The following SPOCK1 variants were observed in gnomAD, a reference collection of about 807,000 sequenced individuals.
The protein encoded by SPOCK1 is testican-1.
A neutral mutation model predicts 55.3 loss-of-function variants in SPOCK1; 23 were observed. The observed-to-expected ratio is 0.42, with a 90% CI of 0.30 to 0.59. SPOCK1 has a LOEUF of 0.59. Ranked by LOEUF, SPOCK1 falls within the 20% of genes least tolerant of loss-of-function variation. SPOCK1 has a pLI of 0.22. For missense variants in SPOCK1, 499 were observed against 552.5 expected (o/e 0.90, Z 0.97); for synonymous variants, 226 against 221.0 (o/e 1.02, Z -0.20).
At chr5:137,065,596 T>A (rs556544479) in intron 6 of SPOCK1, among the ~76,000 whole-genome samples, 242 of 152,346 alleles carry the variant, frequency 1.6e-3, no homozygotes, top group African/African-American at 5.7e-3. Context: ...AATAATTATA[T>A]TGGACTAAAG....
chr5:137,006,169 G>A (rs1751242355), intron 6 of SPOCK1, among the ~76,000 whole-genome samples: 1 of 152,168 alleles, frequency 6.6e-6, no homozygotes, highest in Non-Finnish European at 1.5e-5. Flanking sequence ...TTTTGCTTAG[G>A]ATTGTCTTGG....
rs2189596 is a variant in SPOCK1, at chr5:137,104,048, T to C, written c.474+8387A>G. Among the ~76,000 whole-genome samples, 693 of 152,316 alleles carry C rather than the reference T, an allele frequency of 4.5e-3. 3 individuals are homozygous for C. The highest frequency in any genetic ancestry group is 8.1e-3 in the Non-Finnish European group (554 of 68,032). On this transcript the variant is annotated intron_variant, in intron 5 of 10. Coordinates refer to ENST00000394945, the MANE Select transcript of SPOCK1 (RefSeq NM_004598.4). ...TTCTCCAAACACATACAACTTCATT[T>C]GTTGGCTTTTTCTAAGCAGCAGTGA...
At chr5:136,991,619 T>C (rs1211572560) in intron 7 of SPOCK1, among the ~76,000 whole-genome samples, 1 of 152,242 alleles carries the variant, frequency 6.6e-6, no homozygotes, top group Non-Finnish European at 1.5e-5. Flanking sequence ...TGTGTTTTTA[T>C]ATTTTGACCA....
chr5:137,342,018 G>A (rs1335717705), intron 2 of SPOCK1, among the ~76,000 whole-genome samples: 2 of 152,228 alleles, frequency 1.3e-5, no homozygotes, highest in African/African-American at 4.8e-5. Flanking sequence ...CGCCAGGGCT[G>A]CGGTGTGTGG....
chr5:137,093,105 T>C (rs1267664688), intron 5 of SPOCK1, among the ~76,000 whole-genome samples: 1 of 152,202 alleles, frequency 6.6e-6, no homozygotes. Context: ...TCCAGTCACC[T>C]CTTAAAGGCC....
chr5:137,204,428 G>C (rs1025017812), intron 3 of SPOCK1, among the ~76,000 whole-genome samples: 9 of 152,050 alleles, frequency 5.9e-5, no homozygotes, highest in African/African-American at 1.9e-4. Flanking sequence ...ATTGGAAAGA[G>C]GGAAACATAT....
chr5:137,041,738 C>T (rs1752002298), intron 6 of SPOCK1, among the ~76,000 whole-genome samples: 1 of 152,142 alleles, frequency 6.6e-6, no homozygotes, highest in Admixed American at 6.5e-5. Flanking sequence ...AATACAAATT[C>T]AAACAATAAT....
intron 2 of SPOCK1, among the ~76,000 whole-genome samples, chr5:137,305,655 C>A (rs1488232900): frequency 1.3e-5 from 2 of 152,200 alleles, no homozygotes. Context: ...TAATTATGAT[C>A]TCCGCTGTAA....
chr5:137,444,930 C>T (rs192480064), intron 2 of SPOCK1, among the ~76,000 whole-genome samples: 1 of 152,346 alleles, frequency 6.6e-6, no homozygotes, highest in East Asian at 1.9e-4. Flanking sequence ...CTCCCAGCTC[C>T]TAGTCCAAAT....
intron 6 of SPOCK1, among the ~76,000 whole-genome samples, chr5:137,022,574 A>G (rs17703026): frequency 0.11 from 16,481 of 152,172 alleles, 1,366 homozygotes; most frequent in East Asian, 0.23. Context: ...TATTACACTC[A>G]TGCAAGACGC....
chr5:137,030,992 A>G (rs1460645264), intron 6 of SPOCK1, among the ~76,000 whole-genome samples: 1 of 152,196 alleles, frequency 6.6e-6, no homozygotes, highest in Admixed American at 6.5e-5. Context: ...TTTTGTTTTA[A>G]AAAGCCATAG....
intron 2 of SPOCK1, among the ~76,000 whole-genome samples, chr5:137,463,258 C>T (rs2149837907): frequency 6.6e-6 from 1 of 152,262 alleles, no homozygotes; most frequent in East Asian, 1.9e-4. Context: ...TCACAATAGC[C>T]TAGATTTGGA....
chr5:137,407,238 G>A (rs1209725860), intron 2 of SPOCK1, among the ~76,000 whole-genome samples: 1 of 152,168 alleles, frequency 6.6e-6, no homozygotes, highest in African/African-American at 2.4e-5. Context: ...GAGGAGAATG[G>A]GCAATTTTAG....
At chr5:137,486,467 T>C (rs17171443) in intron 2 of SPOCK1, among the ~76,000 whole-genome samples, 55,907 of 152,096 alleles carry the variant, frequency 0.37, 10,396 homozygotes, top group East Asian at 0.46. Context: ...TTGTCGCAAA[T>C]AGAAAGCCTG....
chr5:136,990,708 T>C (rs949451759), intron 7 of SPOCK1, among the ~76,000 whole-genome samples: 1 of 152,212 alleles, frequency 6.6e-6, no homozygotes, highest in Non-Finnish European at 1.5e-5. Context: ...TATGCTTTTG[T>C]AAACAATATT....
intron 2 of SPOCK1, among the ~76,000 whole-genome samples, chr5:137,421,053 T>C (rs1341912931): frequency 6.6e-6 from 1 of 152,264 alleles, no homozygotes; most frequent in African/African-American, 2.4e-5. Context: ...TTTCGTTATG[T>C]ACCCAGTAGT....
intron 3 of SPOCK1, among the ~76,000 whole-genome samples, chr5:137,232,291 GT>G (rs559335815): frequency 6.6e-6 from 1 of 152,038 alleles, no homozygotes; most frequent in Non-Finnish European, 1.5e-5. Flanking sequence ...GATTTTTAAT[GT>G]TTTTTTCCTA....
intron 5 of SPOCK1, among the ~76,000 whole-genome samples, chr5:137,093,080 G>T (rs1753078487): frequency 6.6e-6 from 1 of 152,140 alleles, no homozygotes; most frequent in Non-Finnish European, 1.5e-5. Flanking sequence ...ATTCATTAGG[G>T]CAGAGTCTTG....
At chr5:137,081,798 T>C (rs1752881457) in intron 5 of SPOCK1, among the ~76,000 whole-genome samples, 1 of 152,234 alleles carries the variant, frequency 6.6e-6, no homozygotes, top group Non-Finnish European at 1.5e-5. Flanking sequence ...GAAAAAGCCA[T>C]ATAACTCAAA....
Sources: gnomAD v4.1 joint callset for allele counts (sites outside exome capture counted in the v4.1 genomes callset) on GRCh38, gnomAD v4.1.1 for gene constraint, MANE v1.5 for transcripts, NCBI Gene and HGNC (gene_info 2026-07-23, HGNC 2026-07-21) for gene names.